ZFP91: variants seen among roughly 807,000 people sequenced by gnomAD.
The protein encoded by ZFP91 is ZFP91 zinc finger protein, atypical E3 ubiquitin ligase.
Under a neutral mutation model 63.5 loss-of-function variants are expected in ZFP91, and 7 were observed. The ratio of observed to expected loss-of-function variants is 0.11; its 90% CI spans 0.06 to 0.21. ZFP91 has a LOEUF of 0.21. ZFP91 is among the 10% of genes least tolerant of loss of function. The pLI is 1.00. For missense variants in ZFP91, 628 were observed against 736.6 expected, an observed-to-expected ratio of 0.85 and a Z score of 1.71; for synonymous variants, 330 against 272.1, an observed-to-expected ratio of 1.21 and a Z score of -2.10.
chr11:58,606,932 G>C (rs1321418720), intron 2 of ZFP91, among the ~76,000 whole-genome samples: 1 of 152,020 alleles, frequency 6.6e-6, no homozygotes, highest in Non-Finnish European at 1.5e-5. Context: ...TGTCATCTCT[G>C]ACAGAGTGGT....
chr11:58,603,964 C>G (rs1855531851), intron 2 of ZFP91, among the ~76,000 whole-genome samples: 1 of 152,006 alleles, frequency 6.6e-6, no homozygotes, highest in South Asian at 2.1e-4. Flanking sequence ...GAGATTTGAT[C>G]CCTTTTGAGT....
intron 7 of ZFP91, 67 bp from the exon 8 acceptor site, chr11:58,612,695 C>A: frequency 2.4e-6 from 3 of 1,240,278 alleles, no homozygotes; most frequent in South Asian, 2.6e-5. Context: ...CAGTTTAAGT[C>A]AGAGGCCACT....
At chr11:58,603,993 G>T (rs1472512689) in intron 2 of ZFP91, among the ~76,000 whole-genome samples, 4 of 152,120 alleles carry the variant, frequency 2.6e-5, no homozygotes, top group Non-Finnish European at 5.9e-5. Flanking sequence ...TTTAGGTATT[G>T]TTTGGATTTA....
At position 58,611,643 on chromosome 11, in the gene ZFP91, A is replaced by C. The variant is rs766795273; in HGVS notation, c.762A>C (p.Lys254Asn). Residue 254 changes from lysine (K) to asparagine (N), a missense_variant, in exon 6 of 11, where the codon AAA becomes AAC. Physicochemically the swap from Lys to Asn is moderately conservative, Grantham distance 94. This residue lies in a region of ZFP91 where 437 missense variants were observed against 380.3 expected (regional missense o/e 1.15). Coordinates refer to ENST00000316059, the MANE Select transcript of ZFP91 (RefSeq NM_053023.5). ...PKPRRKSGKV[K>N]EEKEKKEIKV... ...CACGGAGAAAATCAGGGAAGGTAAA[A>C]GAAGAGAAGGAGAAGAAGGAAATTA... is the stretch of plus-strand genomic sequence containing the variant. 6.2e-7 allele frequency: 1 copy of C among 1,613,006 alleles called. No individual in the cohort carries two copies. The highest frequency in any genetic ancestry group is 1.1e-5 in the South Asian group (1 of 91,000).
intron 2 of ZFP91, among the ~76,000 whole-genome samples, chr11:58,597,687 C>CA (rs1434179584): frequency 6.6e-6 from 1 of 152,144 alleles, no homozygotes; most frequent in Non-Finnish European, 1.5e-5. Context: ...AAGTATTTTG[C>CA]AAAAACTGCA....
chr11:58,582,528 A>G (rs116889971), intron 1 of ZFP91, among the ~76,000 whole-genome samples: 2,755 of 152,366 alleles, frequency 0.018, 32 homozygotes, highest in Middle Eastern at 0.037. Flanking sequence ...ATAGTAAAGT[A>G]TACCATAGTT....
chr11:58,599,318 G>T (rs1855456726), intron 2 of ZFP91, among the ~76,000 whole-genome samples: 1 of 146,412 alleles, frequency 6.8e-6, no homozygotes, highest in African/African-American at 2.6e-5. Context: ...TTTGGTGTAT[G>T]TACCTAGAAG....
At chr11:58,611,927 T>C (rs766681812) in intron 6 of ZFP91, 189 bp downstream of exon 6, 1 of 636,890 alleles carries the variant, frequency 1.6e-6, no homozygotes, top group African/African-American at 1.9e-5. Context: ...AATGTTTAGG[T>C]TTTTCAGTTC....
intron 2 of ZFP91, among the ~76,000 whole-genome samples, chr11:58,590,993 T>C (rs1855294821): frequency 6.6e-6 from 1 of 152,120 alleles, no homozygotes; most frequent in African/African-American, 2.4e-5. Context: ...GCACATATTA[T>C]AAGACATATA....
In ZFP91 at chr11:58,601,025, T is replaced by A. The variant is rs550516953; in HGVS notation, c.371-8805T>A. Among the ~76,000 whole-genome samples the A allele has an allele frequency of 8.5e-5, 13 of 152,338 alleles. No individual in the cohort carries two copies. The South Asian group carries it at 2.5e-3, about 29-fold the overall frequency. On this transcript the variant is annotated intron_variant, in intron 2 of 10. Coordinates refer to ENST00000316059, the MANE Select transcript of ZFP91 (RefSeq NM_053023.5). The stretch of plus-strand genomic sequence containing the variant: ...CAATTGATTATAGTGTTTAATCTTC[T>A]TAATATGATGCTATATTTGGTTTGC...
chr11:58,612,313 G>A lies in ZFP91; in HGVS notation c.893G>A (p.Arg298His), dbSNP rs199553022. The A allele has an allele frequency of 1.2e-6, 2 of 1,613,514 alleles. No homozygotes were observed. The highest frequency in any genetic ancestry group is 2.2e-5 in the East Asian group (1 of 44,840). The change falls in exon 7 of 11, where the codon CGT becomes CAT. Residue 298 changes from arginine to histidine, a missense_variant. By Grantham distance (29) the Arg-to-His change is conservative. Transcript: ENST00000316059. The part of the protein sequence containing the change: ...GRRRKDDKSP[R>H]LPKRRKKPPI... ...AGACGAAAAGATGACAAAAGTCCAC[G>A]TTTACCCAAAAGGAGGTGAGGAATT... is the stretch of plus-strand genomic sequence containing the variant.
chr11:58,617,772 A>G lies in ZFP91; in HGVS notation c.*66A>G, dbSNP rs1855774685. 6.9e-7 allele frequency: 1 copy of G among 1,440,012 alleles called. No homozygotes were observed. The highest frequency in any genetic ancestry group is 1.7e-5 in the South Asian group (1 of 60,174). The allele number at this position is 1,440,012 out of a possible 1,614,324, so 89.2% of individuals were successfully genotyped here. A position where few individuals can be genotyped will look rare whatever the true frequency, so the allele number is the denominator to read the frequency against. On this transcript the variant is annotated 3_prime_UTR_variant, in exon 11 of 11. Transcript: ENST00000316059. The surrounding 1 kb of genome is among the most constrained non-coding windows in gnomAD (Gnocchi z 4.2). ...TATTTAAAAGTTAAAAAGGACAAAA[A>G]AAAAATCTAAAGCATTTAAAATCTA...
At chr11:58,588,897 T>C (rs1855257668) in intron 2 of ZFP91, among the ~76,000 whole-genome samples, 1 of 152,212 alleles carries the variant, frequency 6.6e-6, no homozygotes, top group African/African-American at 2.4e-5. Context: ...ACTGAGAACA[T>C]TGTCTTCACA....
chr11:58,614,011 C>G (rs899130548), intron 8 of ZFP91, among the ~76,000 whole-genome samples: 3 of 151,994 alleles, frequency 2.0e-5, no homozygotes, highest in African/African-American at 7.3e-5. Flanking sequence ...ATATTTGTCT[C>G]CTAAGATTAC....
At chr11:58,594,229 C>T (rs1051015172) in intron 2 of ZFP91, among the ~76,000 whole-genome samples, 2 of 152,180 alleles carry the variant, frequency 1.3e-5, no homozygotes, top group Non-Finnish European at 2.9e-5. Flanking sequence ...GTTTTCTCTG[C>T]TGCAGTCATG....
intron 6 of ZFP91, 112 bp downstream of exon 6, chr11:58,611,850 T>A: frequency 7.5e-7 from 1 of 1,336,070 alleles, no homozygotes; most frequent in Non-Finnish European, 9.9e-7. Flanking sequence ...AAAATATGTA[T>A]TTTTTAACTT....
chr11:58,602,441 CGA>C (rs1855505692), intron 2 of ZFP91, among the ~76,000 whole-genome samples: 1 of 150,600 alleles, frequency 6.6e-6, no homozygotes, highest in African/African-American at 2.5e-5. Flanking sequence ...TGATATATCT[CGA>C]GAGAGAGATG....
chr11:58,608,808 T>C (rs1289754158), intron 2 of ZFP91, among the ~76,000 whole-genome samples: 1 of 152,134 alleles, frequency 6.6e-6, no homozygotes, highest in Non-Finnish European at 1.5e-5. Flanking sequence ...TTTCACCACG[T>C]TGGCCAGGCT....
In ZFP91 at chr11:58,620,993, T is replaced by C. The variant is rs182633993; in HGVS notation, c.*3287T>C. The C allele has an allele frequency of 6.5e-6, 1 of 152,778 alleles. No individual in the cohort carries two copies. The highest frequency in any genetic ancestry group is 1.9e-4 in the East Asian group (1 of 5,190). The allele number at this position is 152,778 out of a possible 1,614,324, so 9.5% of individuals were successfully genotyped here. On this transcript the variant is annotated 3_prime_UTR_variant, in exon 11 of 11. Transcript: ENST00000316059. ...GTTTTCTCTTATTCTAGGTAAGGCA[T>C]ATTAAAAATAAATATGTAAAGAAGA...
Sources: allele counts gnomAD v4.1 joint callset (sites outside exome capture counted in the v4.1 genomes callset), GRCh38; gene constraint gnomAD v4.1.1; regional missense constraint gnomAD v4.1.1; non-coding constraint Gnocchi (gnomAD v3.1); transcripts MANE v1.5; gene names NCBI Gene and HGNC (gene_info 2026-07-23, HGNC 2026-07-21).